Variants in SLC13A1 observed in about 807,000 individuals in gnomAD.
SLC13A1 encodes solute carrier family 13 member 1, also known as Na(+)/sulfate cotransporter.
Under a neutral mutation model 70.0 loss-of-function variants are expected in SLC13A1, and 65 were observed. That is an observed-to-expected ratio of 0.93 (90% CI 0.76 to 1.14). The LOEUF (loss-of-function observed/expected upper bound fraction) is 1.14. SLC13A1 is among the 50% of genes most tolerant of loss of function. The probability of loss-of-function intolerance (pLI) is 0.00; values close to 1 mark genes in which losing one functional copy is unlikely to be tolerated. For synonymous variants in SLC13A1, 275 were observed against 250.5 expected, an observed-to-expected ratio of 1.10 and a Z score of -0.92; for missense variants, 726 against 717.8, an observed-to-expected ratio of 1.01 and a Z score of -0.13.
In SLC13A1 at chr7:123,128,844, C is replaced by G. The variant is rs1178349772; in HGVS notation, c.1133+1G>C. 6.2e-7 allele frequency: 1 copy of G among 1,605,422 alleles called. No individual in the cohort carries two copies. Among genetic ancestry groups the G allele is most frequent in the Non-Finnish European group, 8.5e-7 (1 of 1,172,690 alleles). Reference sequence around the variant, plus strand: ...TGACAAACATAACGTGCAAAGCTTACTCTGAAAAAAGTGCAGACCAACCAG... The same window carrying G: ...TGACAAACATAACGTGCAAAGCTTAGTCTGAAAAAAGTGCAGACCAACCAG... On this transcript the variant is annotated splice_donor_variant, in intron 10 of 14. Transcript: ENST00000194130. LOFTEE classifies it high-confidence loss of function.
At chr7:123,169,959 A>T (rs961867902) in intron 3 of SLC13A1, among the ~76,000 whole-genome samples, 1 of 152,198 alleles carries the variant, frequency 6.6e-6, no homozygotes, top group Non-Finnish European at 1.5e-5. Flanking sequence ...CCTGAATCTG[A>T]TATCCTTTCC....
intron 1 of SLC13A1, among the ~76,000 whole-genome samples, chr7:123,198,677 C>G (rs1439353975): frequency 2.0e-5 from 3 of 152,090 alleles, no homozygotes; most frequent in Non-Finnish European, 1.5e-5. Flanking sequence ...GTCCCAGGAT[C>G]ACTGGCAAAG....
intron 6 of SLC13A1, among the ~76,000 whole-genome samples, chr7:123,150,515 T>A (rs1258379341): frequency 3.9e-5 from 6 of 152,134 alleles, no homozygotes; most frequent in African/African-American, 1.4e-4. Flanking sequence ...TCCTTTCAAG[T>A]AAACTATTGT....
chr7:123,189,114 CAA>C (rs34956751), intron 1 of SLC13A1, among the ~76,000 whole-genome samples: 1 of 99,508 alleles, frequency 1.0e-5, no homozygotes, highest in Non-Finnish European at 1.8e-5. Context: ...GACTCCGTCT[CAA>C]AAAAAAAAAA....
rs10274784 is a variant in SLC13A1, at chr7:123,132,293, G to A, written c.932+2117C>T. Among the ~76,000 whole-genome samples, 519 of 152,292 alleles carry A rather than the reference G, an allele frequency of 3.4e-3. 3 individuals carry two copies. Among genetic ancestry groups the A allele is most frequent in the African/African-American group, 0.012 (488 of 41,564 alleles). On this transcript the variant is annotated intron_variant, in intron 8 of 14. Coordinates refer to ENST00000194130, the MANE Select transcript of SLC13A1 (RefSeq NM_022444.4). ...AGCAGAAAGAGGAATCAAGAGGGGA[G>A]AATGTCAGTCCTCGTATTACTAGGC... is the stretch of plus-strand genomic sequence containing the variant.
chr7:123,118,785 AC>A (rs1480075839), intron 13 of SLC13A1, among the ~76,000 whole-genome samples: 8 of 152,304 alleles, frequency 5.3e-5, no homozygotes, highest in South Asian at 4.1e-4. Context: ...TCCAAGTCTT[AC>A]ATCTGAAATG....
intron 2 of SLC13A1, among the ~76,000 whole-genome samples, chr7:123,173,973 T>TG (rs1795359751): frequency 6.7e-6 from 1 of 148,944 alleles, no homozygotes; most frequent in Non-Finnish European, 1.5e-5. Context: ...GGAAGCTGTT[T>TG]TTTTTTTTTT....
intron 6 of SLC13A1, among the ~76,000 whole-genome samples, chr7:123,149,226 C>G (rs1057511437): frequency 2.6e-5 from 4 of 152,126 alleles, no homozygotes; most frequent in African/African-American, 9.7e-5. Context: ...GACACTCCTC[C>G]CACATGTTTC....
intron 1 of SLC13A1, among the ~76,000 whole-genome samples, chr7:123,189,114 C>CAACA (rs1795913524): frequency 1.0e-5 from 1 of 99,508 alleles, no homozygotes; most frequent in Non-Finnish European, 1.8e-5. Flanking sequence ...GACTCCGTCT[C>CAACA]AAAAAAAAAA....
chr7:123,174,531 A>G (rs776128335), intron 2 of SLC13A1, among the ~76,000 whole-genome samples: 7 of 152,096 alleles, frequency 4.6e-5, no homozygotes, highest in Non-Finnish European at 7.4e-5. Context: ...CTCTGTTTAC[A>G]CATGACTACC....
At position 123,169,038 on chromosome 7, in the gene SLC13A1, C is replaced by T. The variant is rs1359920995; in HGVS notation, c.553+110G>A. Reference sequence around the variant, plus strand: ...ACTATAGAGGGAAGAAAGTTAAATTCATATCATGCATGTATAGATGGTTAA... The same window carrying T: ...ACTATAGAGGGAAGAAAGTTAAATTTATATCATGCATGTATAGATGGTTAA... On this transcript the variant is annotated intron_variant, in intron 4 of 14. Coordinates refer to ENST00000194130, the MANE Select transcript of SLC13A1 (RefSeq NM_022444.4). The T allele has an allele frequency of 1.5e-5, 14 of 920,416 alleles. No individual in the cohort carries two copies. The African/African-American group carries it at 2.1e-4, about 14-fold the overall frequency. 57.0% of individuals were successfully genotyped at this position (920,416 alleles called of 1,614,324 possible).
intron 1 of SLC13A1, chr7:123,190,521 A>T (rs1164231516): frequency 2.2e-6 from 1 of 456,378 alleles, no homozygotes; most frequent in Non-Finnish European, 4.4e-6. Flanking sequence ...TGGTCACTGG[A>T]CGGAGGCCCT....
Position 123,199,969 on chromosome 7 carries a change from T to C in SLC13A1, c.-23A>G, listed in dbSNP as rs1356286147. 2.0e-6 allele frequency: 3 copies of C among 1,507,766 alleles called. No homozygotes were observed. The highest frequency in any genetic ancestry group is 2.3e-5 in the East Asian group (1 of 44,320). The allele number at this position is 1,507,766 out of a possible 1,614,324, so 93.4% of individuals were successfully genotyped here. A position where few individuals can be genotyped will look rare whatever the true frequency, so the allele number is the denominator to read the frequency against. ...CATTGTCCTGAGCAGGTGGCTTCAA[T>C]AGTGTCCTCCAAATAAAGCAGATGT... On this transcript the variant is annotated 5_prime_UTR_variant, in exon 1 of 15. Coordinates refer to ENST00000194130, the MANE Select transcript of SLC13A1 (RefSeq NM_022444.4).
chr7:123,118,165 T>C (rs1793245326), intron 13 of SLC13A1, among the ~76,000 whole-genome samples: 1 of 152,066 alleles, frequency 6.6e-6, no homozygotes, highest in South Asian at 2.1e-4. Flanking sequence ...GCAGTTCTCA[T>C]TACACTAATA....
intron 1 of SLC13A1, chr7:123,186,651 T>C: frequency 2.3e-6 from 1 of 441,106 alleles, no homozygotes; most frequent in Non-Finnish European, 4.6e-6. Flanking sequence ...GAAGACCAGT[T>C]GTCAATTAAG....
chr7:123,198,192 C>T (rs1348787006), intron 1 of SLC13A1, among the ~76,000 whole-genome samples: 1 of 151,606 alleles, frequency 6.6e-6, no homozygotes, highest in East Asian at 2.0e-4. Context: ...AAGTTCTTGG[C>T]AAGGAGATGG....
chr7:123,173,925 T>C (rs1585378870), intron 2 of SLC13A1, among the ~76,000 whole-genome samples: 1 of 151,874 alleles, frequency 6.6e-6, no homozygotes, highest in East Asian at 1.9e-4. Flanking sequence ...TAGGTATAAG[T>C]ATTTCAGTAT....
At chr7:123,186,201 A>G (rs2116641243) in intron 1 of SLC13A1, among the ~76,000 whole-genome samples, 1 of 152,144 alleles carries the variant, frequency 6.6e-6, no homozygotes, top group South Asian at 2.1e-4. Flanking sequence ...GAAGAAAAGT[A>G]TAAGAGATAG....
intron 6 of SLC13A1, among the ~76,000 whole-genome samples, chr7:123,163,974 T>C (rs1585358730): frequency 6.6e-6 from 1 of 152,206 alleles, no homozygotes; most frequent in Non-Finnish European, 1.5e-5. Context: ...ATGTACTAGA[T>C]GGACAAAAAT....
Sources: gnomAD v4.1 joint callset for allele counts (sites outside exome capture counted in the v4.1 genomes callset) on GRCh38, gnomAD v4.1.1 for gene constraint, MANE v1.5 for transcripts, NCBI Gene and HGNC (gene_info 2026-07-23, HGNC 2026-07-21) for gene names.